The following LAMA2 variants were observed in gnomAD, a reference collection of about 807,000 sequenced individuals.
The protein encoded by LAMA2 is laminin subunit alpha-2.
In LAMA2, 269 loss-of-function variants were observed where a neutral mutation model predicts 364.8. The ratio of observed to expected loss-of-function variants is 0.74; its 90% CI spans 0.67 to 0.82. The LOEUF (loss-of-function observed/expected upper bound fraction) is 0.82, where lower values mean the gene tolerates loss of function less well. Among genes scored for constraint, LAMA2 ranks in the 40% least tolerant of loss-of-function variants. The pLI is 0.00. For synonymous variants in LAMA2, 1,379 were observed against 1,370.6 expected (o/e 1.01, Z -0.14); for missense variants, 3,807 against 3,873.2 (o/e 0.98, Z 0.45).
intron 1 of LAMA2, among the ~76,000 whole-genome samples, chr6:128,933,951 A>T (rs1009970063): frequency 6.6e-6 from 1 of 152,104 alleles, no homozygotes; most frequent in African/African-American, 2.4e-5. Flanking sequence ...CTGCAGTTAC[A>T]CTTCTTTGTT....
At chr6:129,409,578 T>C (rs1481771299) in intron 40 of LAMA2, among the ~76,000 whole-genome samples, 1 of 152,216 alleles carries the variant, frequency 6.6e-6, no homozygotes, top group Non-Finnish European at 1.5e-5. Flanking sequence ...AAACATTCAG[T>C]TTCTACCAAA....
chr6:129,126,467 C>T (rs1777120938), intron 4 of LAMA2, among the ~76,000 whole-genome samples: 2 of 152,192 alleles, frequency 1.3e-5, no homozygotes, highest in South Asian at 4.1e-4. Context: ...TCTGGCTTAT[C>T]ATAATGGGGA....
intron 34 of LAMA2, among the ~76,000 whole-genome samples, chr6:129,380,918 A>C (rs966064006): frequency 1.3e-5 from 2 of 152,246 alleles, no homozygotes; most frequent in Non-Finnish European, 2.9e-5. Flanking sequence ...TAACCTGTAC[A>C]ACAGATCATA....
chr6:129,461,695 A>G (rs1783261369), intron 49 of LAMA2, among the ~76,000 whole-genome samples: 1 of 152,056 alleles, frequency 6.6e-6, no homozygotes, highest in African/African-American at 2.4e-5. Flanking sequence ...AACATCACTA[A>G]TTATCAATTC....
chr6:129,223,114 T>C (rs1783991218), intron 12 of LAMA2, among the ~76,000 whole-genome samples: 1 of 152,246 alleles, frequency 6.6e-6, no homozygotes, highest in African/African-American at 2.4e-5. Context: ...CATTTTTTCA[T>C]GTGTCTGCTG....
At chr6:128,998,165 T>G (rs1784120783) in intron 1 of LAMA2, among the ~76,000 whole-genome samples, 1 of 151,962 alleles carries the variant, frequency 6.6e-6, no homozygotes. Flanking sequence ...GTTGGTAGAT[T>G]TTACAGTTAC....
chr6:129,130,344 CAAG>C (rs1777392533), intron 4 of LAMA2, among the ~76,000 whole-genome samples: 1 of 152,212 alleles, frequency 6.6e-6, no homozygotes, highest in African/African-American at 2.4e-5. Flanking sequence ...ATAATTGAGA[CAAG>C]AGAAGTCTGT....
chr6:129,037,747 G>T (rs979963078), intron 1 of LAMA2, among the ~76,000 whole-genome samples: 11 of 149,558 alleles, frequency 7.4e-5, no homozygotes, highest in African/African-American at 2.5e-4. Flanking sequence ...TCTGCTCACT[G>T]CAAGCTCCGC....
At chr6:129,235,117 G>T (rs114384934) in intron 12 of LAMA2, among the ~76,000 whole-genome samples, 3,800 of 152,196 alleles carry the variant, frequency 0.025, 159 homozygotes, top group African/African-American at 0.087. Context: ...ACATTCACTA[G>T]TGAATGCCCA....
chr6:129,508,854 T>C (rs1229835344), intron 62 of LAMA2, among the ~76,000 whole-genome samples: 1 of 152,142 alleles, frequency 6.6e-6, no homozygotes, highest in Non-Finnish European at 1.5e-5. Context: ...CAATATTCTT[T>C]TGGGTATATA....
chr6:129,038,845 G>A (rs1786872463), intron 1 of LAMA2, among the ~76,000 whole-genome samples: 1 of 152,140 alleles, frequency 6.6e-6, no homozygotes, highest in Admixed American at 6.5e-5. Context: ...GATGAATGTT[G>A]GACAGCCAAG....
At chr6:129,192,546 T>A in intron 11 of LAMA2, 134 bp from the exon 12 acceptor site, 1 of 755,080 alleles carries the variant, frequency 1.3e-6, no homozygotes, top group Admixed American at 2.3e-5. Flanking sequence ...ATGCTCAGGT[T>A]TTTTTCTAAA....
chr6:129,079,313 A>G (rs1418559465), intron 3 of LAMA2, among the ~76,000 whole-genome samples: 2 of 152,172 alleles, frequency 1.3e-5, no homozygotes. Flanking sequence ...TATTTTATAA[A>G]TTAAACTTCA....
chr6:129,233,579 A>G (rs1310063550), intron 12 of LAMA2, among the ~76,000 whole-genome samples: 3 of 152,178 alleles, frequency 2.0e-5, no homozygotes, highest in African/African-American at 7.2e-5. Flanking sequence ...AAAGGTCTTC[A>G]TCTGCATCAT....
chr6:129,057,674 G>C (rs1281581963), intron 2 of LAMA2, among the ~76,000 whole-genome samples: 1 of 152,108 alleles, frequency 6.6e-6, no homozygotes, highest in African/African-American at 2.4e-5. Context: ...TGATTTGTCT[G>C]TGGTCAGTTA....
intron 3 of LAMA2, among the ~76,000 whole-genome samples, chr6:129,076,500 A>G (rs55881637): frequency 1.4e-5 from 2 of 140,272 alleles, no homozygotes; most frequent in African/African-American, 2.6e-5. Context: ...ATTATATATA[A>G]ATATATATAT....
intron 45 of LAMA2, among the ~76,000 whole-genome samples, chr6:129,448,595 T>G (rs1422455899): frequency 6.6e-6 from 1 of 152,194 alleles, no homozygotes; most frequent in African/African-American, 2.4e-5. Context: ...GTTTGTTGAT[T>G]CTGAAATTGA....
Position 129,438,792 on chromosome 6 carries a change from C to A in LAMA2, c.6085+30C>A. The A allele has an allele frequency of 3.6e-6, 4 of 1,098,054 alleles. No individual in the cohort carries two copies. In the South Asian group the frequency reaches 5.0e-5, roughly 14 times the overall value. 68.0% of individuals were successfully genotyped at this position (1,098,054 alleles called of 1,614,324 possible). A position where few individuals can be genotyped will look rare whatever the true frequency, so the allele number is the denominator to read the frequency against. Reference sequence around the variant, plus strand: ...GCATTCAGGACACTACCAACTGTGTCAGTTGACCTGAAGTTTTGAAGACTG... The same window carrying A: ...GCATTCAGGACACTACCAACTGTGTAAGTTGACCTGAAGTTTTGAAGACTG... On this transcript the variant is annotated intron_variant, in intron 42 of 64. Coordinates refer to ENST00000421865, the MANE Select transcript of LAMA2 (RefSeq NM_000426.4).
intron 9 of LAMA2, among the ~76,000 whole-genome samples, chr6:129,174,503 G>T (rs1165362081): frequency 6.6e-6 from 1 of 151,820 alleles, no homozygotes; most frequent in African/African-American, 2.4e-5. Context: ...GTGTGTGTGT[G>T]TGTATGTGTG....
Sources: gnomAD v4.1 joint callset for allele counts (sites outside exome capture counted in the v4.1 genomes callset) on GRCh38, gnomAD v4.1.1 for gene constraint, MANE v1.5 for transcripts, NCBI Gene and HGNC (gene_info 2026-07-23, HGNC 2026-07-21) for gene names.